Variants in NCAM1 observed in about 807,000 individuals in gnomAD.
The protein encoded by NCAM1 is antigen recognized by monoclonal antibody 5.1H11.
A neutral mutation model predicts 109.8 loss-of-function variants in NCAM1; 14 were observed. That is an observed-to-expected ratio of 0.13 (90% confidence interval 0.08 to 0.20). The LOEUF (loss-of-function observed/expected upper bound fraction) is 0.20, where lower values mean the gene tolerates loss of function less well. Among genes scored for constraint, NCAM1 ranks in the 10% least tolerant of loss-of-function variants. The pLI is 1.00. For missense variants in NCAM1, 774 were observed against 1,109.9 expected (o/e 0.70, Z 4.30); for synonymous variants, 418 against 442.9 (o/e 0.94, Z 0.70).
chr11:113,041,406 A>G (rs188070277), intron 1 of NCAM1, among the ~76,000 whole-genome samples: 140 of 152,154 alleles, frequency 9.2e-4, no homozygotes, highest in Non-Finnish European at 1.8e-3. Context: ...GAGTAACTAT[A>G]TAATGAATTG....
intron 1 of NCAM1, among the ~76,000 whole-genome samples, chr11:113,100,567 ATGGAGTGGGAAGATAATCTTCCCC>A (rs1555091329): frequency 6.6e-6 from 1 of 152,008 alleles, no homozygotes; most frequent in Admixed American, 6.5e-5. Flanking sequence ...TGGAAAGGGG[ATGGAGTGGGAAGATAATCTTCCCC>A]TGGAGTTTGG....
chr11:113,206,082 G>T lies in NCAM1; in HGVS notation c.530G>T (p.Arg177Leu). 1 of 1,613,846 alleles carries T rather than the reference G, an allele frequency of 6.2e-7. No homozygotes were observed. The highest frequency in any genetic ancestry group is 8.5e-7 in the Non-Finnish European group (1 of 1,179,832). ...IVLSNNYLQI[R>L]GIKKTDEGTY... Reference sequence around the variant, plus strand: ...CTGTCCAACAACTACCTGCAGATCCGGGGCATCAAGAAAACAGATGAGGGC... The same window carrying T: ...CTGTCCAACAACTACCTGCAGATCCTGGGCATCAAGAAAACAGATGAGGGC... Residue 177 changes from arginine (R) to leucine (L), a missense_variant, in exon 5 of 20, where the codon CGG (arginine) becomes CTG (leucine). Physicochemically the swap from Arg to Leu is moderately radical, Grantham distance 102 (BLOSUM62 -2). Around this residue, in one of 4 missense-constraint regions of NCAM1, gnomAD observed 523 missense variants for 784.2 expected, o/e 0.67. Transcript: ENST00000316851.
intron 1 of NCAM1, among the ~76,000 whole-genome samples, chr11:113,146,221 T>C (rs1471779962): frequency 1.3e-5 from 2 of 152,196 alleles, no homozygotes; most frequent in Non-Finnish European, 2.9e-5. Context: ...AGAAAGTAAA[T>C]TGATTTGATA....
At chr11:113,264,080 T>A in intron 17 of NCAM1, 3 of 985,386 alleles carry the variant, frequency 3.0e-6, no homozygotes, top group Non-Finnish European at 3.6e-6. Flanking sequence ...CAGGGCTGAA[T>A]CCTGCTTGGT....
intron 1 of NCAM1, among the ~76,000 whole-genome samples, chr11:113,009,705 C>T (rs1425804216): frequency 6.6e-6 from 1 of 152,094 alleles, no homozygotes; most frequent in Non-Finnish European, 1.5e-5. Flanking sequence ...GACCATGTCT[C>T]CACATTTTGA....
chr11:113,213,973 G>T (rs1214816541), intron 7 of NCAM1, among the ~76,000 whole-genome samples: 1 of 152,068 alleles, frequency 6.6e-6, no homozygotes, highest in Non-Finnish European at 1.5e-5. Context: ...ATATGTTTTT[G>T]CTTCTTTGCT....
At chr11:113,243,319 G>A (rs1945395338) in intron 14 of NCAM1, among the ~76,000 whole-genome samples, 1 of 152,116 alleles carries the variant, frequency 6.6e-6, no homozygotes, top group African/African-American at 2.4e-5. Flanking sequence ...GGAAGGAGCC[G>A]CTGCTTCCTG....
intron 1 of NCAM1, among the ~76,000 whole-genome samples, chr11:113,141,949 C>T (rs1941845291): frequency 6.6e-6 from 1 of 152,100 alleles, no homozygotes; most frequent in African/African-American, 2.4e-5. Flanking sequence ...AGGTTGACAT[C>T]GATCCATTTA....
chr11:113,207,300 C>T lies in NCAM1; in HGVS notation c.668C>T (p.Ala223Val). 6.2e-7 allele frequency: 1 copy of T among 1,614,000 alleles called. No individual in the cohort carries two copies. The highest frequency in any genetic ancestry group is 8.5e-7 in the Non-Finnish European group (1 of 1,179,880). The change falls in exon 6 of 20, where the codon GCC becomes GTC. Residue 223 changes from alanine (A) to valine (V), a missense_variant. By Grantham distance (64) the Ala-to-Val change is moderately conservative (BLOSUM62 0). Transcript: ENST00000316851. Reference protein sequence around the residue: ...TIQARQNIVNATANLGQSVTL... With the variant: ...TIQARQNIVNVTANLGQSVTL... ...CAGGCCAGGCAGAATATTGTGAATG[C>T]CACCGCCAACCTCGGCCAGTCCGTC... is the stretch of plus-strand genomic sequence containing the variant.
chr11:113,227,050 A>C (rs539589139), intron 9 of NCAM1, among the ~76,000 whole-genome samples: 1,999 of 152,314 alleles, frequency 0.013, 28 homozygotes, highest in African/African-American at 0.038. Flanking sequence ...CACATTCAAA[A>C]GCTAGCAGAA....
At chr11:112,982,084 TATAAG>T (rs1271779158) in intron 1 of NCAM1, among the ~76,000 whole-genome samples, 1 of 151,916 alleles carries the variant, frequency 6.6e-6, no homozygotes, top group African/African-American at 2.4e-5. Flanking sequence ...TGCACTTCCC[TATAAG>T]ATGTTTTATG....
chr11:113,031,820 T>A (rs565794913), intron 1 of NCAM1, among the ~76,000 whole-genome samples: 14 of 152,366 alleles, frequency 9.2e-5, no homozygotes, highest in African/African-American at 3.1e-4. Context: ...ACCAAGGAAG[T>A]ACTGCAAGTA....
chr11:113,180,365 C>A (rs1943294729), intron 1 of NCAM1, among the ~76,000 whole-genome samples: 1 of 152,222 alleles, frequency 6.6e-6, no homozygotes, highest in South Asian at 2.1e-4. Context: ...TTTGATTGGG[C>A]TTATAGGTAT....
At position 113,214,285 on chromosome 11, in the gene NCAM1, C is replaced by A. The variant is rs532600329; in HGVS notation, c.917-84C>A. On this transcript the variant is annotated intron_variant, in intron 7 of 19. Coordinates refer to ENST00000316851, the MANE Select transcript of NCAM1 (RefSeq NM_181351.5). ...GTCTTGTACTTAGCAGACAGCTAAC[C>A]TTTGTTGGATAGGTGCATGCCATCA... is the stretch of plus-strand genomic sequence containing the variant. 365 of 1,456,830 alleles carry A rather than the reference C, an allele frequency of 2.5e-4. 2 individuals carry two copies. The African/African-American group carries it at 4.7e-3, about 19-fold the overall frequency. The allele number at this position is 1,456,830 out of a possible 1,614,324, so 90.2% of individuals were successfully genotyped here.
At chr11:113,021,312 C>T (rs1448326644) in intron 1 of NCAM1, among the ~76,000 whole-genome samples, 1 of 152,128 alleles carries the variant, frequency 6.6e-6, no homozygotes, top group African/African-American at 2.4e-5. Flanking sequence ...TTTTATGGGG[C>T]ATTCAGTGAA....
chr11:113,148,500 G>A (rs1281405371), intron 1 of NCAM1, among the ~76,000 whole-genome samples: 1 of 151,760 alleles, frequency 6.6e-6, no homozygotes, highest in African/African-American at 2.4e-5. Context: ...CTCTTAGTGA[G>A]GCAGAATGAA....
At chr11:113,005,094 C>T (rs1555073096) in intron 1 of NCAM1, among the ~76,000 whole-genome samples, 3 of 151,844 alleles carry the variant, frequency 2.0e-5, no homozygotes, top group African/African-American at 7.3e-5. Context: ...TCCTTTTTTT[C>T]TAGTGGTTCT....
chr11:113,136,065 C>T (rs1373548826), intron 1 of NCAM1, among the ~76,000 whole-genome samples: 1 of 152,130 alleles, frequency 6.6e-6, no homozygotes, highest in Non-Finnish European at 1.5e-5. Flanking sequence ...TGCCTGCAGT[C>T]CCAGCTACTT....
At position 112,962,996 on chromosome 11, in the gene NCAM1, G is replaced by T. The variant is rs1446809819; in HGVS notation, c.52+1332G>T. Among the ~76,000 whole-genome samples the T allele has an allele frequency of 1.3e-5, 2 of 152,116 alleles. No homozygotes were observed. The highest frequency in any genetic ancestry group is 2.9e-5 in the Non-Finnish European group (2 of 68,004). ...CCCGGTTGGGGAGCGCACGGGGCGGGCCAGGGAGCACCCAGTGCGCCCCCT... is the reference window on the plus strand; with the variant it reads ...CCCGGTTGGGGAGCGCACGGGGCGGTCCAGGGAGCACCCAGTGCGCCCCCT... On this transcript the variant is annotated intron_variant, in intron 1 of 19. Transcript: ENST00000316851. The surrounding 1 kb of genome is among the most constrained non-coding windows in gnomAD (Gnocchi z 5.6).
Sources: gnomAD v4.1 joint callset for allele counts (sites outside exome capture counted in the v4.1 genomes callset) on GRCh38, gnomAD v4.1.1 for gene constraint, gnomAD v4.1.1 regional missense constraint, Gnocchi (gnomAD v3.1) non-coding constraint, MANE v1.5 for transcripts, NCBI Gene and HGNC (gene_info 2026-07-23, HGNC 2026-07-21) for gene names.